The following UBASH3A variants were observed in gnomAD, a reference collection of about 807,000 sequenced individuals.
UBASH3A encodes ubiquitin-associated and SH3 domain-containing protein A.
UBASH3A carries 63 observed loss-of-function variants against 73.5 expected under a neutral mutation model. The observed-to-expected ratio is 0.86, with a 90% CI of 0.70 to 1.06. The LOEUF (loss-of-function observed/expected upper bound fraction) is 1.06. Among genes scored for constraint, UBASH3A ranks in the 50% least tolerant of loss-of-function variants. The pLI, the probability that UBASH3A is intolerant of heterozygous loss-of-function variation, is 0.00. For synonymous variants in UBASH3A, 363 were observed against 351.1 expected (o/e 1.03, Z -0.38); for missense variants, 860 against 859.0 (o/e 1.00, Z -0.02).
At chr21:42,407,644 G>A (rs193288787) in intron 2 of UBASH3A, among the ~76,000 whole-genome samples, 1 of 152,194 alleles carries the variant, frequency 6.6e-6, no homozygotes, top group Non-Finnish European at 1.5e-5. Context: ...TGTTGATGAG[G>A]GTGAGGGAAG....
At chr21:42,415,901 T>C (rs80054410) in intron 5 of UBASH3A, among the ~76,000 whole-genome samples, 44,993 of 152,100 alleles carry the variant, frequency 0.3, 7,310 homozygotes, top group Middle Eastern at 0.41. Flanking sequence ...CAGACTGACC[T>C]GAGAGCCCCT....
chr21:42,403,960 G>A lies in UBASH3A; in HGVS notation c.15G>A (p.Glu5=), dbSNP rs1226174276. Residue 5 remains glutamate (E), a synonymous_variant, in exon 1 of 15, where the codon GAG becomes GAA. Coordinates refer to ENST00000319294, the MANE Select transcript of UBASH3A (RefSeq NM_018961.4). The part of the protein sequence containing the change: MAAG[E]TQLYAKVSNK... ...GGCAGGAAGAGATGGCAGCGGGGGAGACGCAGCTCTACGCCAAGGTCTCCA... is the reference window on the plus strand; with the variant it reads ...GGCAGGAAGAGATGGCAGCGGGGGAAACGCAGCTCTACGCCAAGGTCTCCA... The A allele has an allele frequency of 1.3e-6, 2 of 1,513,768 alleles. No individual in the cohort carries two copies. Among genetic ancestry groups the A allele is most frequent in the Non-Finnish European group, 1.8e-6 (2 of 1,125,188 alleles). 93.8% of individuals were successfully genotyped at this position (1,513,768 alleles called of 1,614,324 possible). A position where few individuals can be genotyped will look rare whatever the true frequency, so the allele number is the denominator to read the frequency against.
At chr21:42,429,733 G>T (rs2053496906) in intron 8 of UBASH3A, among the ~76,000 whole-genome samples, 1 of 152,116 alleles carries the variant, frequency 6.6e-6, no homozygotes, top group South Asian at 2.1e-4. Context: ...AAGACAGCAA[G>T]ACAAACCTTC....
intron 9 of UBASH3A, among the ~76,000 whole-genome samples, chr21:42,434,168 C>T (rs189995603): frequency 5.9e-5 from 9 of 152,262 alleles, no homozygotes; most frequent in Admixed American, 1.3e-4. Context: ...ACCTCGCAAT[C>T]GCTACTCTTT....
chr21:42,416,634 C>G (rs748234793), intron 6 of UBASH3A, 23 bp downstream of exon 6: 9 of 1,504,576 alleles, frequency 6.0e-6, no homozygotes, highest in Non-Finnish European at 8.0e-6. Flanking sequence ...AGCAGGGGCT[C>G]ATAAGAAGCA....
chr21:42,406,050 G>A (rs1168928166), intron 1 of UBASH3A, among the ~76,000 whole-genome samples: 1 of 150,808 alleles, frequency 6.6e-6, no homozygotes, highest in Non-Finnish European at 1.5e-5. Flanking sequence ...CCTCAGCCCT[G>A]AGACCCCGTG....
chr21:42,417,865 TTTTTC>T (rs755826926), intron 6 of UBASH3A, among the ~76,000 whole-genome samples: 120 of 141,094 alleles, frequency 8.5e-4, no homozygotes, highest in Middle Eastern at 3.5e-3. Flanking sequence ...ATCTCTTTTT[TTTTTC>T]TTTTTTTCTT....
intron 8 of UBASH3A, among the ~76,000 whole-genome samples, chr21:42,429,231 C>T (rs1346568322): frequency 6.6e-6 from 1 of 152,182 alleles, no homozygotes; most frequent in African/African-American, 2.4e-5. Flanking sequence ...CCTGCCAACA[C>T]CTTGACTTTG....
At chr21:42,430,983 C>T (rs2053517895) in intron 8 of UBASH3A, among the ~76,000 whole-genome samples, 1 of 152,184 alleles carries the variant, frequency 6.6e-6, no homozygotes, top group Non-Finnish European at 1.5e-5. Flanking sequence ...ACATTAGTGC[C>T]CTCCAGGGAA....
chr21:42,413,121 A>G lies in UBASH3A; in HGVS notation c.452A>G (p.His151Arg). ...CCCACGGCCGTGCCTCTGGCTCTCC[A>G]CTCCTCCATCAGCTACCTCGGCTTC... ...SFPTAVPLALHSSISYLGFFV... is the reference protein window; with the variant it reads ...SFPTAVPLALRSSISYLGFFV... Residue 151 changes from histidine (H) to arginine (R), a missense_variant, in exon 4 of 15, where the codon CAC becomes CGC. Transcript: ENST00000319294. This position sits in a 1 kb window ranked among gnomAD's most constrained non-coding sequence, Gnocchi z 4.5. 2 of 1,613,744 alleles carry G rather than the reference A, an allele frequency of 1.2e-6. No individual in the cohort carries two copies. The highest frequency in any genetic ancestry group is 1.7e-6 in the Non-Finnish European group (2 of 1,179,924).
chr21:42,423,654 T>C (rs2053382443), intron 7 of UBASH3A, among the ~76,000 whole-genome samples: 1 of 152,206 alleles, frequency 6.6e-6, no homozygotes, highest in Non-Finnish European at 1.5e-5. Context: ...GCTATGATAC[T>C]TTTCACTTCA....
At chr21:42,433,148 T>C (rs960461796) in intron 9 of UBASH3A, among the ~76,000 whole-genome samples, 1 of 152,204 alleles carries the variant, frequency 6.6e-6, no homozygotes, top group African/African-American at 2.4e-5. Context: ...AAGTCACTTA[T>C]AAGGGAAAAT....
At chr21:42,440,375 C>T (rs550059688) in intron 11 of UBASH3A, among the ~76,000 whole-genome samples, 1 of 152,336 alleles carries the variant, frequency 6.6e-6, no homozygotes, top group South Asian at 2.1e-4. Context: ...TGATATATAG[C>T]AATTTCATCC....
rs201392162 is a variant in UBASH3A, at chr21:42,444,603, C to T, written c.1808C>T (p.Pro603Leu). 2.8e-5 allele frequency: 46 copies of T among 1,614,068 alleles called. No individual in the cohort carries two copies. The highest frequency in any genetic ancestry group is 1.6e-4 in the Middle Eastern group (1 of 6,084). ...TGCACGCGGCCACTGCTCGGGCTGC[C>T]GCCCCGGGAATGTGGGGATTTTGCC... ...DSCTRPLLGL[P>L]PRECGDFAQL... is the part of the protein sequence containing the mutation. The change falls in exon 14 of 15, where the codon CCG (proline) becomes CTG (leucine). Residue 603 changes from proline to leucine, a missense_variant. Coordinates refer to ENST00000319294, the MANE Select transcript of UBASH3A (RefSeq NM_018961.4).
At chr21:42,410,778 G>GCA (rs36057857) in intron 3 of UBASH3A, among the ~76,000 whole-genome samples, 1,776 of 150,370 alleles carry the variant, frequency 0.012, 9 homozygotes, top group African/African-American at 0.019. Flanking sequence ...TGAGGTGCAA[G>GCA]CACACACACA....
intron 9 of UBASH3A, among the ~76,000 whole-genome samples, chr21:42,433,387 A>G (rs1443601006): frequency 2.0e-5 from 3 of 152,282 alleles, no homozygotes; most frequent in Middle Eastern, 3.4e-3. Flanking sequence ...TCCCCAGCTC[A>G]GCTCACTTTT....
At chr21:42,427,687 G>A (rs1177931883) in intron 8 of UBASH3A, among the ~76,000 whole-genome samples, 1 of 152,162 alleles carries the variant, frequency 6.6e-6, no homozygotes, top group Non-Finnish European at 1.5e-5. Context: ...TGTGAGATGG[G>A]CCATCCAGTG....
chr21:42,418,897 T>C (rs550181601), intron 7 of UBASH3A, among the ~76,000 whole-genome samples: 1 of 152,362 alleles, frequency 6.6e-6, no homozygotes, highest in East Asian at 1.9e-4. Context: ...TAATAAATTA[T>C]ACTCAGAGGT....
chr21:42,416,363 G>A (rs2053206509), intron 5 of UBASH3A, 79 bp from the exon 6 acceptor site: 5 of 1,431,766 alleles, frequency 3.5e-6, no homozygotes, highest in Non-Finnish European at 3.7e-6. Context: ...TTGCCTTGTG[G>A]AGGAAGCATG....
Sources: allele counts gnomAD v4.1 joint callset (sites outside exome capture counted in the v4.1 genomes callset), GRCh38; gene constraint gnomAD v4.1.1; non-coding constraint Gnocchi (gnomAD v3.1); transcripts MANE v1.5; gene names NCBI Gene and HGNC (gene_info 2026-07-23, HGNC 2026-07-21).